Variants in DDX10 observed in about 807,000 individuals in gnomAD.
DDX10 encodes the protein probable ATP-dependent RNA helicase DDX10.
Under a neutral mutation model 104.3 loss-of-function variants are expected in DDX10, and 74 were observed. That is an observed-to-expected ratio of 0.71 (90% CI 0.59 to 0.86). The LOEUF (loss-of-function observed/expected upper bound fraction) is 0.86. DDX10 is among the 40% of genes least tolerant of loss of function. The pLI, the probability that DDX10 is intolerant of heterozygous loss-of-function variation, is 0.00. For missense variants in DDX10, 952 were observed against 1,040.0 expected (o/e 0.92, Z 1.16); for synonymous variants, 351 against 353.4 (o/e 0.99, Z 0.08).
chr11:108,726,558 TGTTA>T (rs1473897401), intron 13 of DDX10, among the ~76,000 whole-genome samples: 2 of 152,242 alleles, frequency 1.3e-5, no homozygotes, highest in South Asian at 2.1e-4. Context: ...TAAACTGACC[TGTTA>T]GTTCTTGTGG....
At chr11:108,727,488 T>A (rs1184444631) in intron 13 of DDX10, among the ~76,000 whole-genome samples, 1 of 152,188 alleles carries the variant, frequency 6.6e-6, no homozygotes, top group East Asian at 1.9e-4. Flanking sequence ...CCCTGCCTTC[T>A]CTACTTTATT....
chr11:108,724,796 A>C lies in DDX10; in HGVS notation c.1965+1334A>C, dbSNP rs76279280. On this transcript the variant is annotated intron_variant, in intron 13 of 17. Coordinates refer to ENST00000322536, the MANE Select transcript of DDX10 (RefSeq NM_004398.4). Reference sequence around the variant, plus strand: ...ACATGTGTCTAAGTACTAATAGCTCATCTGGCATTTGAAAAATGTATATAG... The same window carrying C: ...ACATGTGTCTAAGTACTAATAGCTCCTCTGGCATTTGAAAAATGTATATAG... Among the ~76,000 whole-genome samples, 454 of 152,176 alleles carry C rather than the reference A, an allele frequency of 3.0e-3. 1 individual carries two copies. Among genetic ancestry groups the C allele is most frequent in the African/African-American group, 9.6e-3 (398 of 41,548 alleles).
intron 13 of DDX10, among the ~76,000 whole-genome samples, chr11:108,774,785 C>A (rs1416270234): frequency 6.6e-6 from 1 of 152,064 alleles, no homozygotes; most frequent in African/African-American, 2.4e-5. Context: ...CTGTTTCATA[C>A]CGTTCTCCGG....
intron 13 of DDX10, among the ~76,000 whole-genome samples, chr11:108,808,634 C>T (rs1271317999): frequency 6.6e-6 from 1 of 151,958 alleles, no homozygotes; most frequent in East Asian, 1.9e-4. Context: ...TTTGATATCC[C>T]AGTGATAATG....
At chr11:108,845,544 T>C (rs759155878) in intron 15 of DDX10, among the ~76,000 whole-genome samples, 2 of 152,118 alleles carry the variant, frequency 1.3e-5, no homozygotes, top group African/African-American at 4.8e-5. Context: ...CCAAAGAATA[T>C]TGAAAATACT....
chr11:108,937,182 C>T lies in DDX10; in HGVS notation c.2451-3064C>T, dbSNP rs74889546. On this transcript the variant is annotated intron_variant, in intron 17 of 17. Coordinates refer to ENST00000322536, the MANE Select transcript of DDX10 (RefSeq NM_004398.4). ...ACCGTGGAAATGCCCAAGTGTCTGCCGATCTCGCGAGTGAGGGCCGTGCTT... is the reference window on the plus strand; with the variant it reads ...ACCGTGGAAATGCCCAAGTGTCTGCTGATCTCGCGAGTGAGGGCCGTGCTT... 6.7e-3 allele frequency among the ~76,000 whole-genome samples: 1,024 copies of T among 152,212 alleles called. 13 individuals are homozygous for T. The highest frequency in any genetic ancestry group is 0.023 in the African/African-American group (956 of 41,526).
At chr11:108,903,328 TG>T (rs1462075908) in intron 16 of DDX10, among the ~76,000 whole-genome samples, 1 of 152,176 alleles carries the variant, frequency 6.6e-6, no homozygotes, top group Non-Finnish European at 1.5e-5. Context: ...TCCTTTGCGA[TG>T]GGCTTCTTTC....
At chr11:108,765,456 T>G (rs2094355356) in intron 13 of DDX10, among the ~76,000 whole-genome samples, 1 of 152,220 alleles carries the variant, frequency 6.6e-6, no homozygotes, top group South Asian at 2.1e-4. Context: ...GACAAGAGAC[T>G]ATTAGTTTTA....
chr11:108,731,282 C>T (rs541399686), intron 13 of DDX10, among the ~76,000 whole-genome samples: 1 of 152,228 alleles, frequency 6.6e-6, no homozygotes, highest in South Asian at 2.1e-4. Flanking sequence ...AACTCCTGAC[C>T]TCAGGTCATC....
At chr11:108,778,127 A>G (rs2094372644) in intron 13 of DDX10, among the ~76,000 whole-genome samples, 1 of 152,202 alleles carries the variant, frequency 6.6e-6, no homozygotes, top group Non-Finnish European at 1.5e-5. Context: ...GCCCAAGGTA[A>G]TTTATAGATT....
intron 13 of DDX10, among the ~76,000 whole-genome samples, chr11:108,784,243 T>G (rs1861754645): frequency 6.6e-6 from 1 of 152,226 alleles, no homozygotes. Flanking sequence ...CTTTCCAAAG[T>G]GGCTAAACTA....
At chr11:108,697,969 G>A (rs1035321586) in intron 9 of DDX10, among the ~76,000 whole-genome samples, 4 of 152,134 alleles carry the variant, frequency 2.6e-5, no homozygotes, top group Non-Finnish European at 5.9e-5. Context: ...AATAATTTCA[G>A]CAATATTCTA....
chr11:108,940,338 G>T lies in DDX10; in HGVS notation c.2543G>T (p.Trp848Leu). ...PTSHNRKKAR[W>L]DTLEPLDTGL... ...AGTCATAACAGAAAGAAGGCCAGGT[G>T]GGACACTTTAGAGCCTTTGGATACC... The change falls in exon 18 of 18, where the codon TGG becomes TTG. Residue 848 changes from tryptophan to leucine, a missense_variant. Physicochemically the swap from Trp to Leu is moderately conservative, Grantham distance 61 (BLOSUM62 -2). Transcript: ENST00000322536. 1.9e-6 allele frequency: 3 copies of T among 1,614,038 alleles called. No individual in the cohort carries two copies. The highest frequency in any genetic ancestry group is 2.5e-6 in the Non-Finnish European group (3 of 1,180,014).
chr11:108,935,262 G>A (rs1269989041), intron 17 of DDX10, among the ~76,000 whole-genome samples: 2 of 152,078 alleles, frequency 1.3e-5, no homozygotes, highest in Non-Finnish European at 2.9e-5. Context: ...AATTCCAGAT[G>A]GAGATAAAAG....
At chr11:108,687,800 A>G (rs1032538117) in intron 6 of DDX10, among the ~76,000 whole-genome samples, 2 of 152,190 alleles carry the variant, frequency 1.3e-5, no homozygotes, top group Non-Finnish European at 2.9e-5. Flanking sequence ...CAGCTTATCA[A>G]TTCTTCCCTT....
At chr11:108,770,467 T>G (rs900159389) in intron 13 of DDX10, among the ~76,000 whole-genome samples, 12 of 151,742 alleles carry the variant, frequency 7.9e-5, no homozygotes, top group Non-Finnish European at 1.6e-4. Flanking sequence ...ACTTTTTTTT[T>G]GTACTCATTA....
At chr11:108,700,581 C>T (rs919670212) in intron 9 of DDX10, among the ~76,000 whole-genome samples, 6 of 152,168 alleles carry the variant, frequency 3.9e-5, no homozygotes, top group South Asian at 2.1e-4. Flanking sequence ...GTCATGAAGA[C>T]GAACTAGTAT....
At chr11:108,706,705 T>A (rs1238657215) in intron 9 of DDX10, 34 bp from the exon 10 acceptor site, 2 of 1,499,832 alleles carry the variant, frequency 1.3e-6, no homozygotes, top group Non-Finnish European at 1.9e-6. Flanking sequence ...CAGATTGCAT[T>A]GATGTGTTAA....
At chr11:108,841,963 G>A (rs895706522) in intron 15 of DDX10, among the ~76,000 whole-genome samples, 2 of 152,114 alleles carry the variant, frequency 1.3e-5, no homozygotes, top group East Asian at 1.9e-4. Context: ...ATGTCCCATC[G>A]TATGGATGTA....
Sources: allele counts gnomAD v4.1 joint callset (sites outside exome capture counted in the v4.1 genomes callset), GRCh38; gene constraint gnomAD v4.1.1; transcripts MANE v1.5; gene names NCBI Gene and HGNC (gene_info 2026-07-23, HGNC 2026-07-21).